Variants in STK32C observed in about 807,000 individuals in gnomAD.
STK32C encodes serine/threonine kinase 32C.
In STK32C, 31 loss-of-function variants were observed where a neutral mutation model predicts 56.5. That is an observed-to-expected ratio of 0.55 (90% CI 0.41 to 0.74). The LOEUF (loss-of-function observed/expected upper bound fraction) is 0.74. STK32C is among the 30% of genes least tolerant of loss of function. The probability of loss-of-function intolerance (pLI) is 0.00; values close to 1 mark genes in which losing one functional copy is unlikely to be tolerated. For synonymous variants in STK32C, 309 were observed against 289.4 expected (o/e 1.07, Z -0.69); for missense variants, 544 against 676.9 (o/e 0.80, Z 2.18).
intron 1 of STK32C, among the ~76,000 whole-genome samples, chr10:132,298,191 A>C (rs1214380769): frequency 6.6e-6 from 1 of 152,210 alleles, no homozygotes; most frequent in East Asian, 1.9e-4. Flanking sequence ...CCACCCCCAG[A>C]TGCGGAGACT....
In STK32C at chr10:132,291,105, T is replaced by C. The variant is rs118051326; in HGVS notation, c.262+16467A>G. Among the ~76,000 whole-genome samples, 51 of 152,286 alleles carry C rather than the reference T, an allele frequency of 3.3e-4. 1 individual carries two copies. The East Asian group carries it at 9.1e-3, about 27-fold the overall frequency. ...ACAAAATCAACACAGCCACTGCACA[T>C]AGAAGAGAAGAAACCACCGGAGGGC... On this transcript the variant is annotated intron_variant, in intron 1 of 11. Coordinates refer to ENST00000298630, the MANE Select transcript of STK32C (RefSeq NM_173575.4).
intron 1 of STK32C, among the ~76,000 whole-genome samples, chr10:132,269,998 CTT>C (rs2064764571): frequency 6.6e-6 from 1 of 152,238 alleles, no homozygotes; most frequent in Non-Finnish European, 1.5e-5. Flanking sequence ...TTCATGGTCT[CTT>C]GAGAACCCTG....
Position 132,225,112 on chromosome 10 carries a change from A to C in STK32C, c.876+121T>G, listed in dbSNP as rs2062837584. 6 of 724,550 alleles carry C rather than the reference A, an allele frequency of 8.3e-6. No homozygotes were observed. In the East Asian group the frequency reaches 1.6e-4, roughly 20 times the overall value. 44.9% of individuals were successfully genotyped at this position (724,550 alleles called of 1,614,324 possible). A position where few individuals can be genotyped will look rare whatever the true frequency, so the allele number is the denominator to read the frequency against. ...CACTTCGATAAAAGCGTGACTCCTC[A>C]GACACAGTGGAGACATCCCTGCGCA... On this transcript the variant is annotated intron_variant, in intron 7 of 11. Coordinates refer to ENST00000298630, the MANE Select transcript of STK32C (RefSeq NM_173575.4).
intron 1 of STK32C, among the ~76,000 whole-genome samples, chr10:132,252,836 C>T (rs983761594): frequency 4.6e-5 from 7 of 152,204 alleles, no homozygotes; most frequent in Admixed American, 1.3e-4. Flanking sequence ...CTATGAGAGT[C>T]GCCATCTGAA....
At chr10:132,308,169 G>A (rs1355258497), upstream of STK32C, among the ~76,000 whole-genome samples, 1 of 152,026 alleles carries the variant, frequency 6.6e-6, no homozygotes, top group Non-Finnish European at 1.5e-5. Context: ...TAGGGAGTGG[G>A]TGGCCGCCAC....
chr10:132,267,982 CGT>C (rs59730124), intron 1 of STK32C, among the ~76,000 whole-genome samples: 29,014 of 80,140 alleles, frequency 0.36, 6,128 homozygotes, highest in African/African-American at 0.52. Flanking sequence ...TGTCCCACAT[CGT>C]GTGTGTGTGT....
chr10:132,266,302 A>G (rs538908010), intron 1 of STK32C, among the ~76,000 whole-genome samples: 1 of 152,282 alleles, frequency 6.6e-6, no homozygotes, highest in African/African-American at 2.4e-5. Flanking sequence ...TGAGAAGCAC[A>G]GGTTTGTCTC....
At chr10:132,228,577 C>T (rs897963185) in intron 2 of STK32C, among the ~76,000 whole-genome samples, 1 of 152,248 alleles carries the variant, frequency 6.6e-6, no homozygotes, top group African/African-American at 2.4e-5. Flanking sequence ...CAAGCAGTGG[C>T]TGGTTGTGCG....
At position 132,307,555 on chromosome 10, in the gene STK32C, C is replaced by G. The variant is rs191418619; in HGVS notation, c.262+17G>C. The G allele has an allele frequency of 1.6e-5, 24 of 1,543,728 alleles. No individual in the cohort carries two copies. Among genetic ancestry groups the G allele is most frequent in the Non-Finnish European group, 2.1e-5 (24 of 1,148,014 alleles). On this transcript the variant is annotated intron_variant, in intron 1 of 11. Coordinates refer to ENST00000298630, the MANE Select transcript of STK32C (RefSeq NM_173575.4). The surrounding 1 kb of genome is among the most constrained non-coding windows in gnomAD (Gnocchi z 4.4). The stretch of plus-strand genomic sequence containing the variant: ...AATAGCGCGCGGCCCCCACGTCGTC[C>G]CCGTGCCCGCACTCACCGTCCTCCT...
intron 2 of STK32C, among the ~76,000 whole-genome samples, chr10:132,237,663 GGTGCAGCTCCATCCCTCTGCCCCCAA>G (rs1332828367): frequency 6.6e-6 from 1 of 152,152 alleles, no homozygotes; most frequent in Admixed American, 6.5e-5. Context: ...GGCTGGCCCC[GGTGCAGCTCCATCCCTCTGCCCCCAA>G]GTGCAGCTTC....
chr10:132,279,730 C>A (rs79146791), intron 1 of STK32C, among the ~76,000 whole-genome samples: 57 of 66,424 alleles, frequency 8.6e-4, no homozygotes, highest in African/African-American at 2.7e-3. Context: ...CCTGATCACA[C>A]CACTGCACTC....
intron 1 of STK32C, among the ~76,000 whole-genome samples, chr10:132,277,168 C>T (rs1183873720): frequency 6.6e-6 from 1 of 152,194 alleles, no homozygotes; most frequent in African/African-American, 2.4e-5. Context: ...CATGGATGCA[C>T]AAGTTTGTGG....
chr10:132,330,395 C>T (rs553074658), intron 1 of STK32C: 5 of 715,420 alleles, frequency 7.0e-6, no homozygotes, highest in African/African-American at 1.7e-5. Flanking sequence ...CTCACGGCAA[C>T]ACCCATGTCA....
chr10:132,265,530 G>A (rs904743762), intron 1 of STK32C, among the ~76,000 whole-genome samples: 4 of 152,302 alleles, frequency 2.6e-5, no homozygotes, highest in South Asian at 4.1e-4. Context: ...ACACGGTGCA[G>A]AGAGACGGAG....
chr10:132,274,850 G>A (rs530618290), intron 1 of STK32C, among the ~76,000 whole-genome samples: 31 of 152,342 alleles, frequency 2.0e-4, no homozygotes, highest in Admixed American at 7.8e-4. Context: ...ACCCAGGGAC[G>A]TGGCAAGGCT....
At chr10:132,225,909 G>T in intron 4 of STK32C, 125 bp from the exon 5 acceptor site, 1 of 1,256,610 alleles carries the variant, frequency 8.0e-7, no homozygotes, top group Non-Finnish European at 1.1e-6. Flanking sequence ...AGGCCTGGGA[G>T]CTTGACTTGG....
intron 8 of STK32C, among the ~76,000 whole-genome samples, chr10:132,223,377 G>A (rs962843451): frequency 6.6e-6 from 1 of 152,194 alleles, no homozygotes; most frequent in African/African-American, 2.4e-5. Flanking sequence ...CGAATCATGG[G>A]ACCTCCACAG....
chr10:132,271,603 G>A (rs1461247680), intron 1 of STK32C, among the ~76,000 whole-genome samples: 1 of 152,202 alleles, frequency 6.6e-6, no homozygotes, highest in African/African-American at 2.4e-5. Flanking sequence ...GCATGACACG[G>A]TCATGTCCGG....
chr10:132,248,929 G>A, intron 1 of STK32C: 1 of 456,492 alleles, frequency 2.2e-6, no homozygotes, highest in Non-Finnish European at 4.4e-6. Flanking sequence ...CCCAAGGTTA[G>A]TCCCTCCCGG....
Sources: gnomAD v4.1 joint callset for allele counts (sites outside exome capture counted in the v4.1 genomes callset) on GRCh38, gnomAD v4.1.1 for gene constraint, Gnocchi (gnomAD v3.1) non-coding constraint, MANE v1.5 for transcripts, NCBI Gene and HGNC (gene_info 2026-07-23, HGNC 2026-07-21) for gene names.